Variants in NALF1 observed in about 807,000 individuals in gnomAD.
NALF1 encodes family with sequence similarity 155 member A.
Under a neutral mutation model 48.4 loss-of-function variants are expected in NALF1, and 3 were observed. That is an observed-to-expected ratio of 0.06 (90% CI 0.03 to 0.16). The LOEUF (loss-of-function observed/expected upper bound fraction) is 0.16, where lower values mean the gene tolerates loss of function less well. Ranked by LOEUF, NALF1 falls within the 10% of genes least tolerant of loss-of-function variation. NALF1 has a pLI of 1.00. For missense variants in NALF1, 526 were observed against 571.5 expected, an observed-to-expected ratio of 0.92 and a Z score of 0.81; for synonymous variants, 262 against 245.7, an observed-to-expected ratio of 1.07 and a Z score of -0.62.
chr13:107,574,065 T>C lies in NALF1; in HGVS notation c.915+291617A>G, dbSNP rs1364305126. ...AACAAAAAACAATAAAGGTATATGG[T>C]ATTTAGGTCCCCAGTGTAAGAGTTC... On this transcript the variant is annotated intron_variant, in intron 1 of 2. Coordinates refer to ENST00000375915, the MANE Select transcript of NALF1 (RefSeq NM_001080396.3). Among the ~76,000 whole-genome samples, 3 of 151,044 alleles carry C rather than the reference T, an allele frequency of 2.0e-5. No homozygotes were observed. In the East Asian group the frequency reaches 5.8e-4, roughly 29 times the overall value.
chr13:107,547,588 G>T (rs1877168239), intron 1 of NALF1, among the ~76,000 whole-genome samples: 1 of 152,086 alleles, frequency 6.6e-6, no homozygotes, highest in Admixed American at 6.6e-5. Context: ...TACAGATGAG[G>T]TTACCAAGGC....
intron 1 of NALF1, among the ~76,000 whole-genome samples, chr13:107,543,351 GT>G (rs1478701313): frequency 6.6e-6 from 1 of 151,762 alleles, no homozygotes; most frequent in East Asian, 1.9e-4. Context: ...AAAACCACAT[GT>G]CATGAATTCA....
chr13:107,423,985 G>T (rs561750542), intron 1 of NALF1, among the ~76,000 whole-genome samples: 1 of 152,098 alleles, frequency 6.6e-6, no homozygotes, highest in South Asian at 2.1e-4. Flanking sequence ...GTCCTCTACT[G>T]TAGGCTACTA....
chr13:107,217,198 C>G (rs952298953), intron 1 of NALF1, among the ~76,000 whole-genome samples: 1 of 152,182 alleles, frequency 6.6e-6, no homozygotes, highest in Non-Finnish European at 1.5e-5. Flanking sequence ...AGCTCCTTGG[C>G]CCCTCTGCTG....
chr13:107,500,710 G>T (rs369568711), intron 1 of NALF1, among the ~76,000 whole-genome samples: 1,523 of 149,876 alleles, frequency 0.01, 16 homozygotes, highest in Middle Eastern at 0.031. Context: ...AACCCAAATG[G>T]CCAACAATGA....
chr13:107,346,232 T>C (rs1230196721), intron 1 of NALF1, among the ~76,000 whole-genome samples: 1 of 152,098 alleles, frequency 6.6e-6, no homozygotes, highest in African/African-American at 2.4e-5. Context: ...GCCCTCAAAA[T>C]TAAAGATAGA....
intron 1 of NALF1, among the ~76,000 whole-genome samples, chr13:107,452,420 C>G (rs937488136): frequency 6.6e-6 from 1 of 152,128 alleles, no homozygotes; most frequent in African/African-American, 2.4e-5. Flanking sequence ...CACAAGGTGG[C>G]AGGAAGGAGA....
chr13:107,689,711 A>G (rs1881522714), intron 1 of NALF1, among the ~76,000 whole-genome samples: 1 of 152,196 alleles, frequency 6.6e-6, no homozygotes, highest in Admixed American at 6.5e-5. Flanking sequence ...CAATAAAAAT[A>G]CGTTTTTCTT....
rs760969544 is a variant in NALF1, at chr13:107,336,368, GATA to G, written c.916-125616_916-125614del. 8.3e-3 allele frequency among the ~76,000 whole-genome samples: 1,058 copies of G among 127,270 alleles called. 27 individuals carry two copies. The highest frequency in any genetic ancestry group is 0.028 in the African/African-American group (960 of 33,732). 83.5% of individuals were successfully genotyped at this position (127,270 alleles called of 152,430 possible). A position where few individuals can be genotyped will look rare whatever the true frequency, so the allele number is the denominator to read the frequency against. On this transcript the variant is annotated intron_variant, in intron 1 of 2. Transcript: ENST00000375915. Reference sequence around the variant, plus strand: ...ACTCTGTCTCGATGATGATGATGATGATAATAATAATAATAATAATAATAAAAA... The same window carrying G: ...ACTCTGTCTCGATGATGATGATGATGATAATAATAATAATAATAATAAAAA...
intron 1 of NALF1, among the ~76,000 whole-genome samples, chr13:107,587,484 G>A (rs1878491616): frequency 6.6e-6 from 1 of 152,028 alleles, no homozygotes; most frequent in Non-Finnish European, 1.5e-5. Flanking sequence ...TGTCATTTTA[G>A]GAATAATAAT....
intron 1 of NALF1, among the ~76,000 whole-genome samples, chr13:107,338,305 G>A (rs1346758198): frequency 6.6e-6 from 1 of 152,210 alleles, no homozygotes; most frequent in Non-Finnish European, 1.5e-5. Context: ...CGTGGTTGGT[G>A]CCTGGGTAGG....
chr13:107,609,044 A>G (rs1399062892), intron 1 of NALF1, among the ~76,000 whole-genome samples: 1 of 152,184 alleles, frequency 6.6e-6, no homozygotes, highest in African/African-American at 2.4e-5. Context: ...GTTGTGTACA[A>G]GACACTTTGG....
At chr13:107,406,356 T>C (rs957520441) in intron 1 of NALF1, among the ~76,000 whole-genome samples, 4 of 151,980 alleles carry the variant, frequency 2.6e-5, no homozygotes, top group Admixed American at 1.3e-4. Context: ...TGATTTGCCA[T>C]ATAGAAACAC....
At chr13:107,777,667 T>C (rs990660127) in intron 1 of NALF1, among the ~76,000 whole-genome samples, 1 of 152,180 alleles carries the variant, frequency 6.6e-6, no homozygotes, top group Non-Finnish European at 1.5e-5. Flanking sequence ...CTATGCTTCC[T>C]CTACACCCTG....
chr13:107,630,155 AT>A (rs1227825384), intron 1 of NALF1, among the ~76,000 whole-genome samples: 1 of 145,982 alleles, frequency 6.9e-6, no homozygotes, highest in African/African-American at 2.5e-5. Context: ...CCAAGGTCTG[AT>A]TTTTCATAAA....
intron 1 of NALF1, among the ~76,000 whole-genome samples, chr13:107,430,389 A>G (rs1253522054): frequency 1.3e-5 from 2 of 151,950 alleles, no homozygotes; most frequent in African/African-American, 2.4e-5. Flanking sequence ...TGCTACACCC[A>G]TTAACTCGTC....
intron 1 of NALF1, among the ~76,000 whole-genome samples, chr13:107,519,333 C>T (rs16970508): frequency 0.075 from 11,355 of 150,458 alleles, 887 homozygotes; most frequent in African/African-American, 0.2. Flanking sequence ...AGAATTCTTA[C>T]GTTATACTGT....
At chr13:107,633,255 C>A (rs1466101421) in intron 1 of NALF1, among the ~76,000 whole-genome samples, 1 of 151,800 alleles carries the variant, frequency 6.6e-6, no homozygotes, top group Non-Finnish European at 1.5e-5. Context: ...ATATAAAACA[C>A]AATATAAGAT....
intron 1 of NALF1, among the ~76,000 whole-genome samples, chr13:107,830,101 A>C (rs1879669163): frequency 6.6e-6 from 1 of 152,164 alleles, no homozygotes; most frequent in Admixed American, 6.5e-5. Flanking sequence ...TACACTGAGA[A>C]CAATTCGGCC....
Sources: allele counts gnomAD v4.1 joint callset (sites outside exome capture counted in the v4.1 genomes callset), GRCh38; gene constraint gnomAD v4.1.1; transcripts MANE v1.5; gene names NCBI Gene and HGNC (gene_info 2026-07-23, HGNC 2026-07-21).